The following XPOT variants were observed in gnomAD, a reference collection of about 807,000 sequenced individuals.
The protein encoded by XPOT is exportin for tRNA, also known as exportin-T.
Under a neutral mutation model 128.2 loss-of-function variants are expected in XPOT, and 34 were observed. That is an observed-to-expected ratio of 0.27 (90% CI 0.20 to 0.35). The LOEUF (loss-of-function observed/expected upper bound fraction) is 0.35, where lower values mean the gene tolerates loss of function less well. Among genes scored for constraint, XPOT ranks in the 10% least tolerant of loss-of-function variants. The probability of loss-of-function intolerance (pLI) is 1.00; values close to 1 mark genes in which losing one functional copy is unlikely to be tolerated. For synonymous variants in XPOT, 348 were observed against 394.3 expected (o/e 0.88, Z 1.39); for missense variants, 838 against 1,125.3 (o/e 0.74, Z 3.65).
intron 24 of XPOT, among the ~76,000 whole-genome samples, 154 bp from the exon 25 acceptor site, chr12:64,447,951 T>C (rs2040378900): frequency 6.6e-6 from 1 of 152,216 alleles, no homozygotes; most frequent in Non-Finnish European, 1.5e-5. Context: ...AACAGAAAGT[T>C]CTTAGCTTGG....
At chr12:64,446,865 T>G (rs2040370828) in intron 24 of XPOT, among the ~76,000 whole-genome samples, 1 of 152,182 alleles carries the variant, frequency 6.6e-6, no homozygotes, top group African/African-American at 2.4e-5. Context: ...ATGAATCTCC[T>G]AGGTACTAGG....
Position 64,430,292 on chromosome 12 carries a change from G to A in XPOT, c.1976+5G>A, listed in dbSNP as rs1413685589. On this transcript the variant is annotated splice_donor_5th_base_variant and intron_variant, in intron 17 of 24. Transcript: ENST00000332707. Reference sequence around the variant, plus strand: ...CCATGCTGTTGGATTTGCAAGGTAAGTGTGATCACAGTTAAAATTATAAAG... The same window carrying A: ...CCATGCTGTTGGATTTGCAAGGTAAATGTGATCACAGTTAAAATTATAAAG... 2 of 1,552,196 alleles carry A rather than the reference G, an allele frequency of 1.3e-6. No homozygotes were observed. Among genetic ancestry groups the A allele is most frequent in the African/African-American group, 2.8e-5 (2 of 72,534 alleles).
chr12:64,446,963 C>T (rs1159969426), intron 24 of XPOT, among the ~76,000 whole-genome samples: 2 of 152,134 alleles, frequency 1.3e-5, no homozygotes, highest in African/African-American at 4.8e-5. Flanking sequence ...TACAAAATAG[C>T]TTTATTGGAT....
chr12:64,432,874 C>G (rs915321464), intron 18 of XPOT, among the ~76,000 whole-genome samples: 2 of 152,096 alleles, frequency 1.3e-5, no homozygotes, highest in Non-Finnish European at 2.9e-5. Context: ...TTATTTTAAC[C>G]TAAATCTTAA....
intron 12 of XPOT, 74 bp from the exon 13 acceptor site, chr12:64,424,964 T>G: frequency 6.5e-7 from 1 of 1,541,426 alleles, no homozygotes; most frequent in Non-Finnish European, 8.8e-7. Context: ...CTTTTGTTGG[T>G]GTCTTACCCT....
At chr12:64,419,116 T>G in intron 6 of XPOT, 22 bp downstream of exon 6, 1 of 1,595,168 alleles carries the variant, frequency 6.3e-7, no homozygotes, top group East Asian at 2.2e-5. Context: ...ACCATGAATT[T>G]TTTATATTTA....
intron 23 of XPOT, 86 bp from the exon 24 acceptor site, chr12:64,444,987 AAT>A (rs561983040): frequency 7.0e-6 from 8 of 1,134,920 alleles, no homozygotes; most frequent in East Asian, 2.7e-5. Flanking sequence ...AAAAAAAAAA[AAT>A]TAAAAAAAAA....
At chr12:64,422,902 CA>C (rs201490602) in intron 9 of XPOT, 102 bp from the exon 10 acceptor site, 104,182 of 851,326 alleles carry the variant, frequency 0.12, no homozygotes, top group South Asian at 0.14. Context: ...GACCTTGTCT[CA>C]AAAAAAAAAA....
At chr12:64,430,022 C>T in intron 16 of XPOT, 27 bp from the exon 17 acceptor site, 1 of 1,531,360 alleles carries the variant, frequency 6.5e-7, no homozygotes, top group Non-Finnish European at 8.7e-7. Flanking sequence ...AAAATAAAAG[C>T]TTTAATAAGA....
At chr12:64,407,916 A>G (rs1405144697) in intron 1 of XPOT, among the ~76,000 whole-genome samples, 1 of 152,178 alleles carries the variant, frequency 6.6e-6, no homozygotes, top group Non-Finnish European at 1.5e-5. Context: ...TATTTGATTC[A>G]GGCAGGCTCA....
In XPOT at chr12:64,434,850, G is replaced by A. The variant is rs530887026; in HGVS notation, c.2626G>A (p.Ala876Thr). Reference protein sequence around the residue: ...ADFVYKHIVPACFLAPLKQTF... With the variant: ...ADFVYKHIVPTCFLAPLKQTF... The stretch of plus-strand genomic sequence containing the variant: ...TTTTGTTTATAAGCACATTGTCCCC[G>A]CATGTTTCCTAGCACCTTTAAAACA... The change falls in exon 21 of 25, where the codon GCA becomes ACA. Residue 876 changes from alanine to threonine, a missense_variant. Transcript: ENST00000332707. 21 of 1,612,172 alleles carry A rather than the reference G, an allele frequency of 1.3e-5. No individual in the cohort carries two copies. Among genetic ancestry groups the A allele is most frequent in the East Asian group, 8.9e-5 (4 of 44,860 alleles).
intron 9 of XPOT, 29 bp downstream of exon 9, chr12:64,421,500 A>G (rs940565811): frequency 1.4e-6 from 2 of 1,456,876 alleles, no homozygotes; most frequent in African/African-American, 2.8e-5. Context: ...CTTTTTGCTC[A>G]ATACATAATA....
At position 64,418,939 on chromosome 12, in the gene XPOT, C is replaced by T. The variant is rs780648531; in HGVS notation, c.334C>T (p.Leu112Phe). ...RNKAAQVFAL[L>F]FVTEYLTKWP... is the part of the protein sequence containing the mutation. ...TAAAGCCGCCCAAGTCTTCGCCTTGCTTTTTGTTACAGAGTATCTCACTAA... is the reference window on the plus strand; with the variant it reads ...TAAAGCCGCCCAAGTCTTCGCCTTGTTTTTTGTTACAGAGTATCTCACTAA... Residue 112 changes from leucine to phenylalanine, a missense_variant, in exon 6 of 25, where the codon CTT becomes TTT. Around this residue, in one of 3 missense-constraint regions of XPOT, gnomAD observed 761 missense variants for 988.3 expected, o/e 0.77. Coordinates refer to ENST00000332707, the MANE Select transcript of XPOT (RefSeq NM_007235.6). The T allele has an allele frequency of 6.2e-7, 1 of 1,613,910 alleles. No homozygotes were observed. Among genetic ancestry groups the T allele is most frequent in the East Asian group, 2.2e-5 (1 of 44,882 alleles).
chr12:64,430,412 T>C, intron 17 of XPOT, 125 bp downstream of exon 17: 1 of 804,120 alleles, frequency 1.2e-6, no homozygotes, highest in South Asian at 2.4e-5. Context: ...TAAATCTTTG[T>C]CCTCCAAATC....
chr12:64,424,131 T>C (rs1019733631), intron 11 of XPOT, among the ~76,000 whole-genome samples: 21 of 152,184 alleles, frequency 1.4e-4, no homozygotes, highest in African/African-American at 5.1e-4. Context: ...GCTCCTAAGA[T>C]TGAATATCTC....
chr12:64,414,961 G>A lies in XPOT; in HGVS notation c.115G>A (p.Ala39Thr). 6.2e-7 allele frequency: 1 copy of A among 1,613,490 alleles called. No homozygotes were observed. The highest frequency in any genetic ancestry group is 8.5e-7 in the Non-Finnish European group (1 of 1,179,654). Residue 39 changes from alanine (A) to threonine (T), a missense_variant, in exon 3 of 25, where the codon GCA becomes ACA. Ala to Thr is a moderately conservative substitution (Grantham distance 58). Coordinates refer to ENST00000332707, the MANE Select transcript of XPOT (RefSeq NM_007235.6). ...TTCCCCAGATGCCTGGCAGGTGTGT[G>A]CAGAAGCTCTAGCCCAGAGGACATA... Reference protein sequence around the residue: ...KISPDAWQVCAEALAQRTYSD... With the variant: ...KISPDAWQVCTEALAQRTYSD...
Position 64,408,319 on chromosome 12 carries a change from G to A in XPOT, c.-74-1643G>A, listed in dbSNP as rs1036830355. Among the ~76,000 whole-genome samples the A allele has an allele frequency of 2.6e-5, 4 of 152,052 alleles. No homozygotes were observed. The South Asian group carries it at 8.3e-4, about 32-fold the overall frequency. ...TAGGGGATTTTACCATGTTGGCCAG[G>A]CTGGTCTTGAACTCCTGACCTCAAG... On this transcript the variant is annotated intron_variant, in intron 1 of 24. Transcript: ENST00000332707.
rs1420140090 is a variant in XPOT, at chr12:64,448,868, T to C, written c.*737T>C. On this transcript the variant is annotated 3_prime_UTR_variant, in exon 25 of 25. Transcript: ENST00000332707. ...GTTATATGAGAGTCTTTTTCTTTAA[T>C]GTACTGGAAAAAGCCTATGTGAATC... 2 of 152,168 alleles carry C rather than the reference T, an allele frequency of 1.3e-5. No individual in the cohort carries two copies. Among genetic ancestry groups the C allele is most frequent in the African/African-American group, 2.4e-5 (1 of 41,448 alleles). The allele number at this position is 152,168 out of a possible 1,614,324, so 9.4% of individuals were successfully genotyped here.
intron 22 of XPOT, among the ~76,000 whole-genome samples, chr12:64,435,933 AC>A (rs2040278425): frequency 6.6e-6 from 1 of 151,948 alleles, no homozygotes; most frequent in Non-Finnish European, 1.5e-5. Context: ...CTTCTTCACT[AC>A]CAGATTTTTT....
Sources: gnomAD v4.1 joint callset for allele counts (sites outside exome capture counted in the v4.1 genomes callset) on GRCh38, gnomAD v4.1.1 for gene constraint, gnomAD v4.1.1 regional missense constraint, MANE v1.5 for transcripts, NCBI Gene and HGNC (gene_info 2026-07-23, HGNC 2026-07-21) for gene names.